The following CES5A variants were observed in gnomAD, a reference collection of about 807,000 sequenced individuals.
CES5A encodes the protein carboxylesterase 5.
A neutral mutation model predicts 62.9 loss-of-function variants in CES5A; 67 were observed. The observed-to-expected ratio is 1.07, with a 90% CI of 0.88 to 1.31. CES5A has a LOEUF of 1.31. CES5A is among the 50% of genes most tolerant of loss of function. The probability of loss-of-function intolerance (pLI) is 0.00; values close to 1 mark genes in which losing one functional copy is unlikely to be tolerated. For missense variants in CES5A, 748 were observed against 708.5 expected, an observed-to-expected ratio of 1.06 and a Z score of -0.63; for synonymous variants, 296 against 280.8, an observed-to-expected ratio of 1.05 and a Z score of -0.54.
At chr16:55,897,554 G>A (rs1479583943) in intron 1 of CES5A, among the ~76,000 whole-genome samples, 2 of 152,182 alleles carry the variant, frequency 1.3e-5, no homozygotes, top group Non-Finnish European at 2.9e-5. Context: ...GACCAGGCAA[G>A]AGCCTGGATC....
intron 2 of CES5A, among the ~76,000 whole-genome samples, chr16:55,932,505 A>G (rs140126830): frequency 4.1e-4 from 58 of 139,906 alleles, no homozygotes; most frequent in Non-Finnish European, 7.6e-4. Context: ...CATTCATTAA[A>G]TGATAGATTG....
intron 4 of CES5A, among the ~76,000 whole-genome samples, chr16:55,869,171 T>C (rs147007994): frequency 0.01 from 1,533 of 152,310 alleles, 9 homozygotes; most frequent in Middle Eastern, 0.017. Flanking sequence ...GATGTGGCCA[T>C]GTGACTGAGT....
At position 55,899,543 on chromosome 16, in the gene CES5A, A is replaced by C. The variant is rs139534396; in HGVS notation, c.-255-25506T>G. On this transcript the variant is annotated intron_variant, in intron 1 of 12. Transcript: ENST00000518005. ...AAACTGTCTCCTGCAACACTGGTTC[A>C]TCAGAAGAGCCTCTGGTGCCACAGA... Among the ~76,000 whole-genome samples the C allele has an allele frequency of 3.1e-3, 470 of 152,352 alleles. 4 individuals carry two copies. Among genetic ancestry groups the C allele is most frequent in the African/African-American group, 0.011 (454 of 41,588 alleles).
At chr16:55,851,844 C>A (rs1464550450) in intron 10 of CES5A, among the ~76,000 whole-genome samples, 3 of 152,150 alleles carry the variant, frequency 2.0e-5, no homozygotes, top group South Asian at 4.1e-4. Flanking sequence ...TACAATGGAA[C>A]ATTAGTCAGC....
upstream of CES5A, among the ~76,000 whole-genome samples, chr16:55,926,023 T>C (rs1194554356): frequency 6.6e-6 from 1 of 152,030 alleles, no homozygotes; most frequent in African/African-American, 2.4e-5. Flanking sequence ...AAATATATGG[T>C]TTCATGGAAG....
chr16:55,883,963 T>C (rs1327620463), intron 1 of CES5A, among the ~76,000 whole-genome samples: 1 of 152,204 alleles, frequency 6.6e-6, no homozygotes, highest in African/African-American at 2.4e-5. Flanking sequence ...AGGGGGGTCA[T>C]GGTGACACTT....
intron 2 of CES5A, among the ~76,000 whole-genome samples, chr16:55,939,013 A>T (rs1369293050): frequency 4.6e-5 from 7 of 151,704 alleles, no homozygotes; most frequent in Non-Finnish European, 7.4e-5. Flanking sequence ...AGTTTCAGGA[A>T]TGGCTGGATC....
chr16:55,945,719 A>G (rs936611630), intron 2 of CES5A, among the ~76,000 whole-genome samples: 1 of 152,216 alleles, frequency 6.6e-6, no homozygotes, highest in Non-Finnish European at 1.5e-5. Context: ...ACTCCACGTC[A>G]GGTCTGCTAA....
chr16:55,888,236 G>A (rs1317912402), intron 1 of CES5A, among the ~76,000 whole-genome samples: 2 of 152,128 alleles, frequency 1.3e-5, no homozygotes, highest in African/African-American at 4.8e-5. Context: ...ACTGTACCAT[G>A]GGAGTACAGA....
chr16:55,880,321 C>T (rs746378006), upstream of CES5A, among the ~76,000 whole-genome samples: 3 of 152,128 alleles, frequency 2.0e-5, no homozygotes, highest in Non-Finnish European at 4.4e-5. Flanking sequence ...CAGATGGAGT[C>T]CCCCAGGAGG....
intron 1 of CES5A, among the ~76,000 whole-genome samples, chr16:55,918,334 T>C (rs1024099277): frequency 6.6e-6 from 1 of 152,184 alleles, no homozygotes; most frequent in Non-Finnish European, 1.5e-5. Flanking sequence ...TTCTTGAATA[T>C]GTCCAACTAC....
At chr16:55,935,822 C>A (rs540090189) in intron 2 of CES5A, among the ~76,000 whole-genome samples, 9 of 151,946 alleles carry the variant, frequency 5.9e-5, no homozygotes, top group African/African-American at 2.2e-4. Flanking sequence ...CTTCCATACA[C>A]ACTCCACCTA....
intron 1 of CES5A, among the ~76,000 whole-genome samples, chr16:55,903,784 T>G (rs1274185823): frequency 6.6e-6 from 1 of 152,194 alleles, no homozygotes; most frequent in Non-Finnish European, 1.5e-5. Context: ...CATCAGAAAT[T>G]GCAAGACCTG....
chr16:55,865,994 T>A lies in CES5A; in HGVS notation c.674A>T (p.Glu225Val), dbSNP rs1390977753. Reference sequence around the variant, plus strand: ...AGAAACACTTATGGCTCCCGCGGACTCGCCAAAGATGGTCACAGAGCTGGG... The same window carrying A: ...AGAAACACTTATGGCTCCCGCGGACACGCCAAAGATGGTCACAGAGCTGGG... ...GDPSSVTIFG[E>V]SAGAISVSSL... The change falls in exon 5 of 13, where the codon GAG becomes GTG. Residue 225 changes from glutamate to valine, a missense_variant. Coordinates refer to ENST00000290567, the MANE Select transcript of CES5A (RefSeq NM_001143685.2). 3 of 1,614,098 alleles carry A rather than the reference T, an allele frequency of 1.9e-6. No individual in the cohort carries two copies. The African/African-American group carries it at 4.0e-5, about 22-fold the overall frequency.
intron 1 of CES5A, among the ~76,000 whole-genome samples, chr16:55,884,113 C>T (rs1209770950): frequency 6.6e-6 from 1 of 152,232 alleles, no homozygotes; most frequent in East Asian, 1.9e-4. Context: ...TATATACTTG[C>T]TGCAATTGTG....
At chr16:55,847,126 G>C (rs1354614526) in intron 11 of CES5A, among the ~76,000 whole-genome samples, 1 of 152,082 alleles carries the variant, frequency 6.6e-6, no homozygotes, top group Non-Finnish European at 1.5e-5. Flanking sequence ...TGGGGACACA[G>C]ACCAGCTTGC....
chr16:55,869,733 C>A lies in CES5A; in HGVS notation c.429G>T (p.Trp143Cys), dbSNP rs775618040. ...DTGSKLPVLV[W>C]FPGGAFKTGS... ...CAGTCTTGAAGGCACCTCCTGGGAA[C>A]CACACCAAGACCTGAGGAGGGGAGA... Residue 143 changes from tryptophan (W) to cysteine (C), a missense_variant, in exon 4 of 13, where the codon TGG (tryptophan) becomes TGT (cysteine). Trp to Cys is a radical substitution (Grantham distance 215). Transcript: ENST00000290567. 11 of 1,603,658 alleles carry A rather than the reference C, an allele frequency of 6.9e-6. No homozygotes were observed. The highest frequency in any genetic ancestry group is 9.4e-6 in the Non-Finnish European group (11 of 1,173,854).
intron 2 of CES5A, among the ~76,000 whole-genome samples, chr16:55,873,364 C>G (rs1427324728): frequency 4.6e-5 from 7 of 152,142 alleles, no homozygotes; most frequent in African/African-American, 9.7e-5. Context: ...GTTTTGACAG[C>G]TGGAGCTAAC....
intron 1 of CES5A, among the ~76,000 whole-genome samples, chr16:55,886,631 T>C (rs2033818414): frequency 6.6e-6 from 1 of 152,170 alleles, no homozygotes; most frequent in African/African-American, 2.4e-5. Context: ...ATATGAGCCC[T>C]CACCATAGCA....
Sources: gnomAD v4.1 joint callset for allele counts (sites outside exome capture counted in the v4.1 genomes callset) on GRCh38, gnomAD v4.1.1 for gene constraint, MANE v1.5 for transcripts, NCBI Gene and HGNC (gene_info 2026-07-23, HGNC 2026-07-21) for gene names.